The following RFX2 variants were observed in gnomAD, a reference collection of about 807,000 sequenced individuals.
The protein encoded by RFX2 is regulatory factor X2.
A neutral mutation model predicts 87.8 loss-of-function variants in RFX2; 20 were observed. That is an observed-to-expected ratio of 0.23 (90% confidence interval 0.16 to 0.33). The LOEUF (loss-of-function observed/expected upper bound fraction) is 0.33. RFX2 is among the 10% of genes least tolerant of loss of function. The pLI, the probability that RFX2 is intolerant of heterozygous loss-of-function variation, is 1.00. For synonymous variants in RFX2, 397 were observed against 431.3 expected (o/e 0.92, Z 0.98); for missense variants, 767 against 1,012.3 (o/e 0.76, Z 3.29).
At position 5,999,366 on chromosome 19, in the gene RFX2, C is replaced by A. The variant is rs1262147844; in HGVS notation, c.1860-2153G>T. ...ATCCCCTCCAGCTCTGAGCTGTGCT[C>A]TTCTCTGGCTGGCAGGCACCTCAGT... On this transcript the variant is annotated intron_variant, in intron 15 of 17. Transcript: ENST00000303657. This position sits in a 1 kb window ranked among gnomAD's most constrained non-coding sequence, Gnocchi z 4.1. Among the ~76,000 whole-genome samples, 1 of 152,168 alleles carries A rather than the reference C, an allele frequency of 6.6e-6. No individual in the cohort carries two copies. The highest frequency in any genetic ancestry group is 1.5e-5 in the Non-Finnish European group (1 of 68,032).
In RFX2 at chr19:6,010,789, A is replaced by G. The variant is rs1700584443; in HGVS notation, c.900-538T>C. Among the ~76,000 whole-genome samples the G allele has an allele frequency of 6.6e-6, 1 of 152,006 alleles. No homozygotes were observed. Among genetic ancestry groups the G allele is most frequent in the South Asian group, 2.1e-4 (1 of 4,828 alleles). On this transcript the variant is annotated intron_variant, in intron 8 of 17. Transcript: ENST00000303657. The surrounding 1 kb of genome is among the most constrained non-coding windows in gnomAD (Gnocchi z 5.0). The stretch of plus-strand genomic sequence containing the variant: ...TGGACACTTGAGAAAATAGATATAT[A>G]TTTTCCCCCTAACATTTCTCTCTTA...
rs2086839805 is a variant in RFX2 at position 6,023,054 on chromosome 19, G to A, written c.597+3109C>T. 1.3e-5 allele frequency: 2 copies of A among 152,502 alleles called. No homozygotes were observed. Among genetic ancestry groups the A allele is most frequent in the South Asian group, 4.1e-4 (2 of 4,838 alleles). 9.4% of individuals were successfully genotyped at this position (152,502 alleles called of 1,614,324 possible). A position where few individuals can be genotyped will look rare whatever the true frequency, so the allele number is the denominator to read the frequency against. ...GCCCTCAAATGCTAAGCTCCCTGGA[G>A]TGACTTTTCCTCCTTTTTTACTCCC... is the stretch of plus-strand genomic sequence containing the variant. On this transcript the variant is annotated intron_variant, in intron 6 of 17. Coordinates refer to ENST00000303657, the MANE Select transcript of RFX2 (RefSeq NM_000635.4). The surrounding 1 kb of genome is among the most constrained non-coding windows in gnomAD (Gnocchi z 4.9).
At position 6,007,298 on chromosome 19, in the gene RFX2, G is replaced by T; in HGVS notation, c.1248-132C>A. 1.2e-6 allele frequency: 1 copy of T among 860,534 alleles called. No homozygotes were observed. The allele number at this position is 860,534 out of a possible 1,614,324, so 53.3% of individuals were successfully genotyped here. ...GGCTGGGGTTTTGCTCCCCATCCCT[G>T]AGCCTCGATGGGTCCCCTCCCTCCA... On this transcript the variant is annotated intron_variant, in intron 11 of 17. Transcript: ENST00000303657. This position sits in a 1 kb window ranked among gnomAD's most constrained non-coding sequence, Gnocchi z 8.2.
At position 5,993,279 on chromosome 19, in the gene RFX2, T is replaced by C. The variant is rs1240347049; in HGVS notation, c.*1556A>G. 1 of 152,238 alleles carries C rather than the reference T, an allele frequency of 6.6e-6. No homozygotes were observed. The highest frequency in any genetic ancestry group is 1.5e-5 in the Non-Finnish European group (1 of 68,044). The allele number at this position is 152,238 out of a possible 1,614,324, so 9.4% of individuals were successfully genotyped here. On this transcript the variant is annotated 3_prime_UTR_variant, in exon 18 of 18. Coordinates refer to ENST00000303657, the MANE Select transcript of RFX2 (RefSeq NM_000635.4). ...AGAGGAGATGTATATTTTAAAGACA[T>C]TCTTTCTGTCTGATTTCAACTAAGG...
Position 5,998,761 on chromosome 19 carries a change from G to A in RFX2, c.1860-1548C>T, listed in dbSNP as rs573619385. ...CCAGAACATCGCCTGCGGTCACCCCGGTATCTCTGGGTTCCCAAATGGGCT... is the reference window on the plus strand; with the variant it reads ...CCAGAACATCGCCTGCGGTCACCCCAGTATCTCTGGGTTCCCAAATGGGCT... On this transcript the variant is annotated intron_variant, in intron 15 of 17. Coordinates refer to ENST00000303657, the MANE Select transcript of RFX2 (RefSeq NM_000635.4). This position sits in a 1 kb window ranked among gnomAD's most constrained non-coding sequence, Gnocchi z 4.2. 4.6e-4 allele frequency among the ~76,000 whole-genome samples: 70 copies of A among 152,250 alleles called. No homozygotes were observed. The highest frequency in any genetic ancestry group is 1.7e-3 in the African/African-American group (69 of 41,542).
Position 6,044,160 on chromosome 19 carries a change from C to T in RFX2, c.180+33G>A, listed in dbSNP as rs370736259. 2.5e-5 allele frequency: 33 copies of T among 1,323,970 alleles called. No individual in the cohort carries two copies. The highest frequency in any genetic ancestry group is 2.0e-4 in the Middle Eastern group (1 of 5,094). 82.0% of individuals were successfully genotyped at this position (1,323,970 alleles called of 1,614,324 possible). On this transcript the variant is annotated intron_variant, in intron 3 of 17. Coordinates refer to ENST00000303657, the MANE Select transcript of RFX2 (RefSeq NM_000635.4). This position sits in a 1 kb window ranked among gnomAD's most constrained non-coding sequence, Gnocchi z 5.3. The stretch of plus-strand genomic sequence containing the variant: ...GGATTGCTGAGTGCTAACTGCGCCC[C>T]GGTTTGCACGGTGCTGCGGTGCTTG...
Position 6,007,044 on chromosome 19 carries a change from A to G in RFX2, c.1370T>C (p.Ile457Thr), listed in dbSNP as rs749354849. ...DHILYQALVE[I>T]LIPDVLRPVP... Reference sequence around the variant, plus strand: ...CGGCCTCAGCACGTCGGGGATGAGAATCTCCACCAGCGCCTGGTAGAGGAT... The same window carrying G: ...CGGCCTCAGCACGTCGGGGATGAGAGTCTCCACCAGCGCCTGGTAGAGGAT... The change falls in exon 12 of 18, where the codon ATT becomes ACT. Residue 457 changes from isoleucine to threonine, a missense_variant. Around this residue, in one of 2 missense-constraint regions of RFX2, gnomAD observed 621 missense variants for 873.0 expected, o/e 0.71. Coordinates refer to ENST00000303657, the MANE Select transcript of RFX2 (RefSeq NM_000635.4). This position sits in a 1 kb window ranked among gnomAD's most constrained non-coding sequence, Gnocchi z 8.2. The G allele has an allele frequency of 1.2e-6, 2 of 1,614,140 alleles. No individual in the cohort carries two copies. The highest frequency in any genetic ancestry group is 1.7e-6 in the Non-Finnish European group (2 of 1,180,012).
chr19:6,089,763 A>G (rs2087907572), intron 1 of RFX2, among the ~76,000 whole-genome samples: 1 of 152,116 alleles, frequency 6.6e-6, no homozygotes, highest in Non-Finnish European at 1.5e-5. Context: ...CCAGTCTCTA[A>G]TATTTTTGTT....
Position 5,998,531 on chromosome 19 carries a change from T to G in RFX2, c.1860-1318A>C, listed in dbSNP as rs763188847. 1.3e-5 allele frequency among the ~76,000 whole-genome samples: 2 copies of G among 152,190 alleles called. No homozygotes were observed. Among genetic ancestry groups the G allele is most frequent in the Non-Finnish European group, 2.9e-5 (2 of 68,028 alleles). The stretch of plus-strand genomic sequence containing the variant: ...GAGAAAGGCAAAGACAGCCGCACTA[T>G]GAAGACCACCAAAGCTGTCTATCCT... On this transcript the variant is annotated intron_variant, in intron 15 of 17. Transcript: ENST00000303657. The surrounding 1 kb of genome is among the most constrained non-coding windows in gnomAD (Gnocchi z 4.2).
chr19:6,019,978 G>T, intron 6 of RFX2: 1 of 152,476 alleles, frequency 6.6e-6, no homozygotes. Context: ...TCTGGGTGAA[G>T]AAGCCAGAGG....
intron 1 of RFX2, among the ~76,000 whole-genome samples, chr19:6,092,964 C>A (rs533950312): frequency 6.6e-6 from 1 of 152,044 alleles, no homozygotes; most frequent in Non-Finnish European, 1.5e-5. Context: ...AAAAAAAAGG[C>A]CCTGTGGTGT....
intron 5 of RFX2, among the ~76,000 whole-genome samples, chr19:6,028,462 G>A (rs57628698): frequency 0.15 from 22,144 of 152,188 alleles, 4,744 homozygotes; most frequent in African/African-American, 0.47. Context: ...ACACTTGACA[G>A]CTGGTAATTT....
intron 1 of RFX2, among the ~76,000 whole-genome samples, chr19:6,091,990 A>C (rs1195471189): frequency 6.6e-6 from 1 of 152,196 alleles, no homozygotes; most frequent in Non-Finnish European, 1.5e-5. Context: ...AGGAGCAGGG[A>C]GTTTCTAGAA....
rs954433594 is a variant in RFX2, at chr19:6,095,393, C to G, written c.-9+15000G>C. ...TACTCTATTTGGTGTCCCACAAATA[C>G]AGTTAGACATGGCCTCTATCCTCAA... is the stretch of plus-strand genomic sequence containing the variant. On this transcript the variant is annotated intron_variant, in intron 1 of 17. Transcript: ENST00000303657. Among the ~76,000 whole-genome samples the G allele has an allele frequency of 1.6e-4, 25 of 152,258 alleles. No homozygotes were observed. The South Asian group carries it at 2.1e-3, about 13-fold the overall frequency.
At chr19:6,005,751 A>T (rs1599843335) in intron 12 of RFX2, among the ~76,000 whole-genome samples, 2 of 152,318 alleles carry the variant, frequency 1.3e-5, no homozygotes, top group East Asian at 3.9e-4. Context: ...CTACCCTAAC[A>T]GGCTGCAGGA....
rs184695381 is a variant in RFX2, at chr19:6,055,996, A to T, written c.-8-8492T>A. On this transcript the variant is annotated intron_variant, in intron 1 of 17. Transcript: ENST00000303657. ...AGTAGAGTGGATTAAAACTAAAGTT[A>T]AAAAAAAATCATAATAGTGGGTGGG... Among the ~76,000 whole-genome samples the T allele has an allele frequency of 2.4e-3, 347 of 145,854 alleles. 2 individuals carry two copies. In the South Asian group the frequency reaches 0.029, roughly 12 times the overall value.
intron 6 of RFX2, among the ~76,000 whole-genome samples, chr19:6,018,847 A>G (rs1386152611): frequency 6.6e-6 from 1 of 152,184 alleles, no homozygotes; most frequent in East Asian, 1.9e-4. Flanking sequence ...CCTGCAGGTA[A>G]GTCCCGTGGC....
In RFX2 at chr19:6,021,195, C is replaced by T. The variant is rs78378620; in HGVS notation, c.598-4924G>A. Among the ~76,000 whole-genome samples the T allele has an allele frequency of 0.015, 2,209 of 152,334 alleles. 56 individuals are homozygous for T. The highest frequency in any genetic ancestry group is 0.05 in the African/African-American group (2,078 of 41,560). ...TAGCAGCTCGGGCAGCTATTCCAAC[C>T]GTCCAGGTGTGCCCTGTGTTGACAT... On this transcript the variant is annotated intron_variant, in intron 6 of 17. Coordinates refer to ENST00000303657, the MANE Select transcript of RFX2 (RefSeq NM_000635.4). This position sits in a 1 kb window ranked among gnomAD's most constrained non-coding sequence, Gnocchi z 5.7.
intron 6 of RFX2, chr19:6,019,847 C>A (rs1187830559): frequency 1.3e-5 from 2 of 152,332 alleles, no homozygotes; most frequent in African/African-American, 2.4e-5. Flanking sequence ...CTATGCTCTC[C>A]CTGAGGGTGG....
Sources: allele counts gnomAD v4.1 joint callset (sites outside exome capture counted in the v4.1 genomes callset), GRCh38; gene constraint gnomAD v4.1.1; regional missense constraint gnomAD v4.1.1; non-coding constraint Gnocchi (gnomAD v3.1); transcripts MANE v1.5; gene names NCBI Gene and HGNC (gene_info 2026-07-23, HGNC 2026-07-21).